The following H6PD variants were observed in gnomAD, a reference collection of about 807,000 sequenced individuals.
H6PD encodes the protein GDH/6PGL endoplasmic bifunctional protein.
In H6PD, 48 loss-of-function variants were observed where a neutral mutation model predicts 61.2. The observed-to-expected ratio is 0.78, with a 90% confidence interval of 0.62 to 1.00. The LOEUF (loss-of-function observed/expected upper bound fraction) is 1.00. Among genes scored for constraint, H6PD ranks in the 50% least tolerant of loss-of-function variants. The pLI is 0.00. For missense variants in H6PD, 1,093 were observed against 1,065.0 expected, an observed-to-expected ratio of 1.03 and a Z score of -0.37; for synonymous variants, 480 against 457.9, an observed-to-expected ratio of 1.05 and a Z score of -0.62.
chr1:9,242,228 C>A (rs939796355), intron 1 of H6PD, among the ~76,000 whole-genome samples: 1 of 152,098 alleles, frequency 6.6e-6, no homozygotes, highest in African/African-American at 2.4e-5. Context: ...TGCTCTTGGA[C>A]CAGCTGTCAG....
intron 1 of H6PD, among the ~76,000 whole-genome samples, chr1:9,244,213 C>G (rs1384396642): frequency 6.6e-6 from 1 of 152,166 alleles, no homozygotes; most frequent in African/African-American, 2.4e-5. Flanking sequence ...AGGTACAGGC[C>G]TCAGCTCATT....
chr1:9,256,407 G>A (rs1292190776), intron 3 of H6PD, among the ~76,000 whole-genome samples: 1 of 152,296 alleles, frequency 6.6e-6, no homozygotes, highest in Non-Finnish European at 1.5e-5. Context: ...GCCTTCCTAC[G>A]AGTGGCTGCC....
At chr1:9,252,433 T>C (rs994698279) in intron 3 of H6PD, among the ~76,000 whole-genome samples, 11 of 152,216 alleles carry the variant, frequency 7.2e-5, no homozygotes, top group African/African-American at 2.7e-4. Flanking sequence ...GGAGTCTTGT[T>C]ATGTTACCCA....
At chr1:9,252,604 G>A (rs915630976) in intron 3 of H6PD, among the ~76,000 whole-genome samples, 5 of 152,212 alleles carry the variant, frequency 3.3e-5, no homozygotes, top group South Asian at 2.1e-4. Flanking sequence ...CAAAATTTAC[G>A]CTTTTAAAAT....
chr1:9,256,470 G>A (rs796867157), intron 3 of H6PD, among the ~76,000 whole-genome samples: 25 of 152,208 alleles, frequency 1.6e-4, no homozygotes, highest in African/African-American at 4.6e-4. Context: ...ATGGCATATC[G>A]GGCTGGATTC....
chr1:9,235,234 G>A (rs1289555039), intron 1 of H6PD, among the ~76,000 whole-genome samples, 168 bp downstream of exon 1: 2 of 152,046 alleles, frequency 1.3e-5, no homozygotes, highest in Non-Finnish European at 2.9e-5. Flanking sequence ...CTCCCTCCAG[G>A]GTCGCCCCGA....
chr1:9,261,495 C>T (rs1490477813), intron 3 of H6PD, among the ~76,000 whole-genome samples: 4 of 152,214 alleles, frequency 2.6e-5, no homozygotes, highest in African/African-American at 9.6e-5. Flanking sequence ...TTCCTTTTCT[C>T]TTCTTCCCAC....
chr1:9,263,675 G>T lies in H6PD; in HGVS notation c.1182G>T (p.Leu394=). The T allele has an allele frequency of 6.2e-7, 1 of 1,614,062 alleles. No homozygotes were observed. Among genetic ancestry groups the T allele is most frequent in the Non-Finnish European group, 8.5e-7 (1 of 1,180,014 alleles). ...GGGCCGCGGCGCAGAGCCAGTGCCTGCCCCGGCAGCTCGTCTTCCACATCG... is the reference window on the plus strand; with the variant it reads ...GGGCCGCGGCGCAGAGCCAGTGCCTTCCCCGGCAGCTCGTCTTCCACATCG... ...KHWAAAQSQC[L]PRQLVFHIGH... is the part of the protein sequence containing the mutation. The change falls in exon 5 of 5, where the codon CTG becomes CTT. Residue 394 remains leucine, a synonymous_variant. Transcript: ENST00000377403.
rs1022729346 is a variant in H6PD at position 9,266,783 on chromosome 1, A to G, written c.*1914A>G. 1 of 150,796 alleles carries G rather than the reference A, an allele frequency of 6.6e-6. No homozygotes were observed. Among genetic ancestry groups the G allele is most frequent in the African/African-American group, 2.4e-5 (1 of 40,980 alleles). 9.3% of individuals were successfully genotyped at this position (150,796 alleles called of 1,614,324 possible). On this transcript the variant is annotated 3_prime_UTR_variant, in exon 5 of 5. Transcript: ENST00000377403. ...CCAAGCCGGGGCTCTTGTTCACACC[A>G]CTTACTCTGGCCACCAACAACAACC... is the stretch of plus-strand genomic sequence containing the variant.
At position 9,262,113 on chromosome 1, in the gene H6PD, A is replaced by G. The variant is rs1408704903; in HGVS notation, c.800A>G (p.His267Arg). ...YGVIRDVLQNHLTEVLTLVAM... is the reference protein window; with the variant it reads ...YGVIRDVLQNRLTEVLTLVAM... Reference sequence around the variant, plus strand: ...GTCATTCGCGACGTCCTCCAGAACCATCTGACGGAGGTCCTCACCCTCGTG... The same window carrying G: ...GTCATTCGCGACGTCCTCCAGAACCGTCTGACGGAGGTCCTCACCCTCGTG... The change falls in exon 4 of 5, where the codon CAT (histidine) becomes CGT (arginine). Residue 267 changes from histidine to arginine, a missense_variant. His to Arg is a conservative substitution (Grantham distance 29, BLOSUM62 0). Transcript: ENST00000377403. The G allele has an allele frequency of 2.5e-6, 4 of 1,614,052 alleles. No homozygotes were observed. Among genetic ancestry groups the G allele is most frequent in the East Asian group, 2.2e-5 (1 of 44,890 alleles).
chr1:9,243,988 C>T (rs562954715), intron 1 of H6PD, among the ~76,000 whole-genome samples: 4 of 152,146 alleles, frequency 2.6e-5, no homozygotes, highest in African/African-American at 9.7e-5. Context: ...GTCCCAGCTC[C>T]CCTGCTTTCT....
At chr1:9,255,320 C>T (rs1046931861) in intron 3 of H6PD, among the ~76,000 whole-genome samples, 7 of 151,942 alleles carry the variant, frequency 4.6e-5, no homozygotes, top group South Asian at 2.1e-4. Flanking sequence ...CTTTATCTGT[C>T]GCCCTGGCTG....
chr1:9,237,823 C>T (rs1297198736), intron 1 of H6PD, among the ~76,000 whole-genome samples: 6 of 152,086 alleles, frequency 3.9e-5, no homozygotes, highest in African/African-American at 1.5e-4. Flanking sequence ...TGACAGTGGT[C>T]CTGTGCAAAT....
chr1:9,240,230 T>C (rs948461421), intron 1 of H6PD, among the ~76,000 whole-genome samples: 2 of 152,144 alleles, frequency 1.3e-5, no homozygotes, highest in African/African-American at 4.8e-5. Context: ...AAATAAGAAT[T>C]GTAAATGAAA....
rs376390011 is a variant in H6PD, at chr1:9,264,891, G to A, written c.*22G>A. On this transcript the variant is annotated 3_prime_UTR_variant, in exon 5 of 5. Coordinates refer to ENST00000377403, the MANE Select transcript of H6PD (RefSeq NM_004285.4). ...ATGAGGGCGCCTGTGCCCCTTGCCC[G>A]CTTCGCTCCTGTGCTTTCCTTCGCC... 57 of 1,609,054 alleles carry A rather than the reference G, an allele frequency of 3.5e-5. No homozygotes were observed. Among genetic ancestry groups the A allele is most frequent in the South Asian group, 5.5e-5 (5 of 91,002 alleles).
chr1:9,244,872 T>G (rs1031772324), intron 1 of H6PD, 53 bp from the exon 2 acceptor site: 2 of 1,563,456 alleles, frequency 1.3e-6, no homozygotes, highest in African/African-American at 2.7e-5. Context: ...CGTAGCCACC[T>G]GAACCATGTC....
intron 1 of H6PD, among the ~76,000 whole-genome samples, chr1:9,236,986 A>G (rs1640865966): frequency 6.6e-6 from 1 of 152,214 alleles, no homozygotes; most frequent in Non-Finnish European, 1.5e-5. Context: ...CGGACCCGGG[A>G]GGCAGAGGCT....
Position 9,263,686 on chromosome 1 carries a change from T to C in H6PD, c.1193T>C (p.Leu398Pro). 1 of 1,614,022 alleles carries C rather than the reference T, an allele frequency of 6.2e-7. No homozygotes were observed. Among genetic ancestry groups the C allele is most frequent in the Non-Finnish European group, 8.5e-7 (1 of 1,180,002 alleles). Residue 398 changes from leucine to proline, a missense_variant, in exon 5 of 5, where the codon CTC becomes CCC. Leu to Pro is a moderately conservative substitution (Grantham distance 98, BLOSUM62 -3). Coordinates refer to ENST00000377403, the MANE Select transcript of H6PD (RefSeq NM_004285.4). Reference sequence around the variant, plus strand: ...CAGAGCCAGTGCCTGCCCCGGCAGCTCGTCTTCCACATCGGCCATGGCGAC... The same window carrying C: ...CAGAGCCAGTGCCTGCCCCGGCAGCCCGTCTTCCACATCGGCCATGGCGAC... ...AAQSQCLPRQ[L>P]VFHIGHGDLG... is the part of the protein sequence containing the mutation.
rs776563299 is a variant in H6PD, at chr1:9,264,854, CG to C, written c.2362del (p.Ala788ProfsTer93). On this transcript the variant is annotated frameshift_variant, in exon 5 of 5. Coordinates refer to ENST00000377403, the MANE Select transcript of H6PD (RefSeq NM_004285.4). LOFTEE classifies it high-confidence loss of function. ...GQLVWYMDYD[A>X]FLG is the part of the protein sequence containing the mutation. ...AGCTGGTGTGGTACATGGACTACGA[CG>C]CCTTCCTGGGATGAGGGCGCCTGTG... is the stretch of plus-strand genomic sequence containing the variant. 6.2e-7 allele frequency: 1 copy of C among 1,611,930 alleles called. No homozygotes were observed.
Sources: allele counts gnomAD v4.1 joint callset (sites outside exome capture counted in the v4.1 genomes callset), GRCh38; gene constraint gnomAD v4.1.1; transcripts MANE v1.5; gene names NCBI Gene and HGNC (gene_info 2026-07-23, HGNC 2026-07-21).